LRRC4C: variants seen among roughly 807,000 people sequenced by gnomAD.
The protein encoded by LRRC4C is leucine rich repeat containing 4C.
In LRRC4C, 5 loss-of-function variants were observed where a neutral mutation model predicts 33.6. The ratio of observed to expected loss-of-function variants is 0.15; its 90% CI spans 0.08 to 0.31. The LOEUF is 0.31. LRRC4C is among the 10% of genes least tolerant of loss of function. The pLI is 1.00. For synonymous variants in LRRC4C, 329 were observed against 302.0 expected (o/e 1.09, Z -0.93); for missense variants, 560 against 796.7 (o/e 0.70, Z 3.58).
chr11:40,368,043 G>C (rs1948289104), intron 3 of LRRC4C, among the ~76,000 whole-genome samples: 1 of 152,070 alleles, frequency 6.6e-6, no homozygotes. Flanking sequence ...TCATCAGACT[G>C]TTTTTTGTTG....
chr11:40,384,889 T>C (rs906831675), intron 3 of LRRC4C, among the ~76,000 whole-genome samples: 1 of 152,164 alleles, frequency 6.6e-6, no homozygotes, highest in African/African-American at 2.4e-5. Context: ...TTCTGGAAAT[T>C]ATCCTGCAAA....
At chr11:41,440,208 G>T (rs990898761) in intron 1 of LRRC4C, among the ~76,000 whole-genome samples, 1 of 151,946 alleles carries the variant, frequency 6.6e-6, no homozygotes, top group African/African-American at 2.4e-5. Context: ...TGAGAGACAT[G>T]GGTCCAGTTT....
At chr11:40,315,785 T>C (rs1160585840) in intron 4 of LRRC4C, among the ~76,000 whole-genome samples, 1 of 152,004 alleles carries the variant, frequency 6.6e-6, no homozygotes, top group Admixed American at 6.5e-5. Context: ...TATAGGTCTC[T>C]GACAGGGTTA....
At chr11:41,429,299 C>T (rs1246583055) in intron 1 of LRRC4C, among the ~76,000 whole-genome samples, 3 of 152,096 alleles carry the variant, frequency 2.0e-5, no homozygotes, top group Non-Finnish European at 4.4e-5. Flanking sequence ...AACCTCTTTC[C>T]TTTATAAATT....
intron 5 of LRRC4C, among the ~76,000 whole-genome samples, chr11:40,239,054 T>A (rs1865760946): frequency 6.6e-6 from 1 of 152,156 alleles, no homozygotes; most frequent in Non-Finnish European, 1.5e-5. Flanking sequence ...CTGCTTTTGC[T>A]CTCTGTTTAC....
chr11:41,013,143 C>T (rs186077636), intron 1 of LRRC4C, among the ~76,000 whole-genome samples: 4 of 152,228 alleles, frequency 2.6e-5, no homozygotes, highest in East Asian at 1.9e-4. Context: ...CAGGAATTCA[C>T]GTAAGATTGC....
chr11:40,330,507 T>C (rs905883465), intron 3 of LRRC4C, among the ~76,000 whole-genome samples: 1 of 152,090 alleles, frequency 6.6e-6, no homozygotes, highest in African/African-American at 2.4e-5. Context: ...GGTCTCACGA[T>C]GCTATGAAGA....
In LRRC4C at chr11:40,191,081, G is replaced by A. The variant is rs573873033; in HGVS notation, c.-95-50228C>T. On this transcript the variant is annotated intron_variant, in intron 5 of 6. Transcript: ENST00000528697. ...TACTTAGCATTATGCCGAGCACCTC[G>A]CACACAACACATCAATCAACCCAGT... 2.1e-3 allele frequency among the ~76,000 whole-genome samples: 321 copies of A among 152,126 alleles called. 1 individual carries two copies. The highest frequency in any genetic ancestry group is 7.4e-3 in the African/African-American group (307 of 41,502).
chr11:40,917,355 G>C (rs532461352), intron 2 of LRRC4C, among the ~76,000 whole-genome samples: 1 of 152,222 alleles, frequency 6.6e-6, no homozygotes, highest in Admixed American at 6.5e-5. Context: ...TTTTCAATTT[G>C]TGAATGCTCA....
chr11:40,564,994 G>A (rs184706454), intron 3 of LRRC4C, among the ~76,000 whole-genome samples: 10 of 152,126 alleles, frequency 6.6e-5, no homozygotes, highest in African/African-American at 1.9e-4. Flanking sequence ...AACTAAGATC[G>A]CTCTGGGATA....
chr11:40,455,539 C>T (rs1173855278), intron 3 of LRRC4C, among the ~76,000 whole-genome samples: 3 of 152,160 alleles, frequency 2.0e-5, no homozygotes, highest in African/African-American at 7.2e-5. Flanking sequence ...TCCTATTTCC[C>T]GTGTGCTTAA....
At chr11:40,432,903 T>C (rs376336579) in intron 3 of LRRC4C, among the ~76,000 whole-genome samples, 5 of 152,306 alleles carry the variant, frequency 3.3e-5, no homozygotes, top group South Asian at 4.1e-4. Flanking sequence ...ATAGACCCAA[T>C]GTTAGCAATG....
intron 3 of LRRC4C, among the ~76,000 whole-genome samples, chr11:40,335,872 C>T (rs1236101172): frequency 6.6e-6 from 1 of 152,116 alleles, no homozygotes; most frequent in Admixed American, 6.5e-5. Flanking sequence ...GTCTCTACTC[C>T]AACTTTTACT....
chr11:41,130,590 T>C (rs979417684), intron 1 of LRRC4C, among the ~76,000 whole-genome samples: 2 of 152,028 alleles, frequency 1.3e-5, no homozygotes, highest in Non-Finnish European at 2.9e-5. Context: ...TCATCTTTGA[T>C]TGATCAATTA....
chr11:40,620,185 T>C (rs1234138855), intron 3 of LRRC4C, among the ~76,000 whole-genome samples: 2 of 151,632 alleles, frequency 1.3e-5, no homozygotes, highest in East Asian at 1.9e-4. Context: ...CATTAGAAGA[T>C]AATGAGAGGA....
rs111236491 is a variant in LRRC4C at position 41,136,572 on chromosome 11, G to A, written c.-495-202849C>T. 7.7e-3 allele frequency among the ~76,000 whole-genome samples: 1,170 copies of A among 152,192 alleles called. 21 individuals are homozygous for A. The highest frequency in any genetic ancestry group is 0.027 in the African/African-American group (1,120 of 41,530). ...CACTGTGTTTCATTGATATCTTTCC[G>A]ACAGCAGTTATTCAAATTTAGAGAC... On this transcript the variant is annotated intron_variant, in intron 1 of 6. Transcript: ENST00000528697.
chr11:40,665,373 TA>T (rs1343950520), intron 2 of LRRC4C, among the ~76,000 whole-genome samples: 1 of 65,952 alleles, frequency 1.5e-5, no homozygotes, highest in Non-Finnish European at 3.2e-5. Context: ...TGTATATATA[TA>T]TATATATATA....
intron 3 of LRRC4C, among the ~76,000 whole-genome samples, chr11:40,381,908 G>A (rs1345617256): frequency 1.3e-5 from 2 of 150,026 alleles, no homozygotes; most frequent in East Asian, 3.9e-4. Flanking sequence ...TAATAAAAGA[G>A]GACTTCAAAT....
rs1468809279 is a variant in LRRC4C, at chr11:40,595,409, C to T, written c.-270+52733G>A. On this transcript the variant is annotated intron_variant, in intron 3 of 6. Coordinates refer to ENST00000528697, the MANE Select transcript of LRRC4C (RefSeq NM_001258419.2). ...GTCTACCCTAAGAACTACAACATGA[C>T]AGGGAGTTGAAAGCCCACCAAGCCC... 2.6e-5 allele frequency among the ~76,000 whole-genome samples: 4 copies of T among 152,188 alleles called. No homozygotes were observed. In the East Asian group the frequency reaches 5.8e-4, roughly 22 times the overall value.
Sources: allele counts gnomAD v4.1 joint callset (sites outside exome capture counted in the v4.1 genomes callset), GRCh38; gene constraint gnomAD v4.1.1; transcripts MANE v1.5; gene names NCBI Gene and HGNC (gene_info 2026-07-23, HGNC 2026-07-21).